The following STK39 variants were observed in gnomAD, a reference collection of about 807,000 sequenced individuals.
STK39 encodes the protein STE20/SPS1-related proline-alanine-rich protein kinase.
In STK39, 20 loss-of-function variants were observed where a neutral mutation model predicts 77.8. The observed-to-expected ratio is 0.26, with a 90% CI of 0.18 to 0.37. The LOEUF (loss-of-function observed/expected upper bound fraction) is 0.37, where lower values mean the gene tolerates loss of function less well. STK39 is among the 10% of genes least tolerant of loss of function. The probability of loss-of-function intolerance (pLI) is 1.00; values close to 1 mark genes in which losing one functional copy is unlikely to be tolerated. For synonymous variants in STK39, 246 were observed against 234.1 expected (o/e 1.05, Z -0.47); for missense variants, 479 against 656.5 (o/e 0.73, Z 2.95).
chr2:168,129,546 T>C lies in STK39; in HGVS notation c.1084A>G (p.Lys362Glu). ...TRTPDIAQRA[K>E]KVRRVPGSSG... ...TGAAGGCTAATGGCACTTACCTTTTTGGCTCTTTGGGCTATGTCTGGTGTT... is the reference window on the plus strand; with the variant it reads ...TGAAGGCTAATGGCACTTACCTTTTCGGCTCTTTGGGCTATGTCTGGTGTT... The change falls in exon 10 of 18, where the codon AAA (lysine) becomes GAA (glutamate). Residue 362 changes from lysine to glutamate, a missense_variant. Physicochemically the swap from Lys to Glu is moderately conservative, Grantham distance 56. Around this residue, in one of 3 missense-constraint regions of STK39, gnomAD observed 244 missense variants for 296.8 expected, o/e 0.82. Coordinates refer to ENST00000355999, the MANE Select transcript of STK39 (RefSeq NM_013233.3). The C allele has an allele frequency of 1.2e-6, 2 of 1,614,088 alleles. No homozygotes were observed. The highest frequency in any genetic ancestry group is 1.1e-5 in the South Asian group (1 of 91,080).
In STK39 at chr2:168,247,550, G is replaced by C. The variant is rs1690971460; in HGVS notation, c.-115C>G. ...CCGGCGCACGCCCTCCCCGCCCGCCGCCGCCGCCGCCGTCCCCGCCGAAGC... is the reference window on the plus strand; with the variant it reads ...CCGGCGCACGCCCTCCCCGCCCGCCCCCGCCGCCGCCGTCCCCGCCGAAGC... On this transcript the variant is annotated 5_prime_UTR_variant, in exon 1 of 18. Coordinates refer to ENST00000355999, the MANE Select transcript of STK39 (RefSeq NM_013233.3). 1 of 697,492 alleles carries C rather than the reference G, an allele frequency of 1.4e-6. No homozygotes were observed. Among genetic ancestry groups the C allele is most frequent in the Non-Finnish European group, 1.9e-6 (1 of 538,274 alleles). 43.2% of individuals were successfully genotyped at this position (697,492 alleles called of 1,614,324 possible). A position where few individuals can be genotyped will look rare whatever the true frequency, so the allele number is the denominator to read the frequency against.
chr2:168,140,879 G>A, intron 5 of STK39, 121 bp from the exon 6 acceptor site: 1 of 750,582 alleles, frequency 1.3e-6, no homozygotes, highest in Non-Finnish European at 2.1e-6. Flanking sequence ...TTCCAAACAT[G>A]TCTACGGTGC....
chr2:168,051,785 A>C (rs984843292), intron 14 of STK39, among the ~76,000 whole-genome samples: 2 of 152,174 alleles, frequency 1.3e-5, no homozygotes, highest in East Asian at 1.9e-4. Context: ...TGATATTGGC[A>C]TTTGACTCCT....
intron 10 of STK39, among the ~76,000 whole-genome samples, chr2:168,093,341 G>C (rs1422943359): frequency 2.0e-5 from 3 of 152,204 alleles, no homozygotes; most frequent in Non-Finnish European, 4.4e-5. Flanking sequence ...CATGGCTAGG[G>C]AGGCCTCACA....
chr2:168,084,388 C>T (rs1377392107), intron 10 of STK39, among the ~76,000 whole-genome samples: 1 of 152,192 alleles, frequency 6.6e-6, no homozygotes, highest in Non-Finnish European at 1.5e-5. Context: ...AGATGGCTGA[C>T]AGCAAGCACG....
Position 168,169,411 on chromosome 2 carries a change from A to G in STK39, c.322-2004T>C, listed in dbSNP as rs1285850658. On this transcript the variant is annotated intron_variant, in intron 2 of 17. Coordinates refer to ENST00000355999, the MANE Select transcript of STK39 (RefSeq NM_013233.3). Reference sequence around the variant, plus strand: ...AACAATGTCTCTTAAATGCAGCTGCACTCTAAATGTAAGTGAATGCTTTTC... The same window carrying G: ...AACAATGTCTCTTAAATGCAGCTGCGCTCTAAATGTAAGTGAATGCTTTTC... Among the ~76,000 whole-genome samples the G allele has an allele frequency of 2.0e-5, 3 of 152,264 alleles. No individual in the cohort carries two copies. In the East Asian group the frequency reaches 5.8e-4, roughly 29 times the overall value.
intron 16 of STK39, among the ~76,000 whole-genome samples, chr2:167,987,949 A>G (rs781766553): frequency 1.1e-4 from 17 of 152,206 alleles, no homozygotes; most frequent in Non-Finnish European, 2.2e-4. Context: ...CCTTACAGCT[A>G]TTCTATGAGG....
At chr2:168,007,139 AT>A (rs1684151707) in intron 16 of STK39, among the ~76,000 whole-genome samples, 1 of 152,254 alleles carries the variant, frequency 6.6e-6, no homozygotes, top group Non-Finnish European at 1.5e-5. Context: ...TAGCTATTTT[AT>A]ATTATAGAAG....
intron 1 of STK39, among the ~76,000 whole-genome samples, chr2:168,210,373 G>C (rs902326976): frequency 6.6e-6 from 1 of 152,124 alleles, no homozygotes; most frequent in African/African-American, 2.4e-5. Context: ...CTGGCTCAGA[G>C]AATTGCTATG....
intron 1 of STK39, 53 bp from the exon 2 acceptor site, chr2:168,182,143 C>T: frequency 7.0e-7 from 1 of 1,420,620 alleles, no homozygotes; most frequent in Non-Finnish European, 9.9e-7. Context: ...TGTGAGGTTA[C>T]TATCTGTAAC....
intron 17 of STK39, among the ~76,000 whole-genome samples, chr2:167,959,442 T>C (rs931875768): frequency 2.0e-5 from 3 of 152,016 alleles, no homozygotes; most frequent in Non-Finnish European, 2.9e-5. Context: ...TTTTGTTTTT[T>C]TTTTTTTTAA....
intron 14 of STK39, among the ~76,000 whole-genome samples, chr2:168,046,419 C>G (rs138703212): frequency 6.6e-6 from 1 of 152,122 alleles, no homozygotes; most frequent in Non-Finnish European, 1.5e-5. Flanking sequence ...TAGTGAGACA[C>G]GGCAGAGTGC....
At chr2:168,153,817 GA>G (rs1198357217) in intron 5 of STK39, among the ~76,000 whole-genome samples, 1 of 152,136 alleles carries the variant, frequency 6.6e-6, no homozygotes, top group Non-Finnish European at 1.5e-5. Context: ...TGTAAGAGTT[GA>G]AATCAATGAC....
chr2:167,956,069 C>T (rs373802828), intron 17 of STK39, among the ~76,000 whole-genome samples: 17 of 152,120 alleles, frequency 1.1e-4, no homozygotes, highest in East Asian at 1.9e-4. Flanking sequence ...CCAAGTACTG[C>T]GATGGGCTCA....
intron 1 of STK39, among the ~76,000 whole-genome samples, chr2:168,245,880 T>C (rs1252301554): frequency 6.6e-6 from 1 of 152,180 alleles, no homozygotes; most frequent in African/African-American, 2.4e-5. Context: ...TGTCTACAGA[T>C]GCCTATTATA....
intron 14 of STK39, among the ~76,000 whole-genome samples, chr2:168,027,700 G>C (rs886304196): frequency 2.6e-5 from 4 of 152,142 alleles, no homozygotes; most frequent in Non-Finnish European, 5.9e-5. Context: ...AAAGAATTTG[G>C]CCTCACACAC....
At chr2:168,119,306 C>T (rs761413906) in intron 10 of STK39, among the ~76,000 whole-genome samples, 5 of 152,094 alleles carry the variant, frequency 3.3e-5, no homozygotes, top group Admixed American at 1.3e-4. Context: ...CTCTTCTACC[C>T]GTATTTACCA....
At chr2:168,118,501 C>A (rs1229162254) in intron 10 of STK39, among the ~76,000 whole-genome samples, 1 of 151,374 alleles carries the variant, frequency 6.6e-6, no homozygotes, top group Non-Finnish European at 1.5e-5. Context: ...AAGACATTCT[C>A]CCTAAATGGG....
At chr2:168,104,926 T>C (rs1686929128) in intron 10 of STK39, among the ~76,000 whole-genome samples, 1 of 152,186 alleles carries the variant, frequency 6.6e-6, no homozygotes. Flanking sequence ...AAATAAATTA[T>C]AGTATATCCT....
Sources: allele counts gnomAD v4.1 joint callset (sites outside exome capture counted in the v4.1 genomes callset), GRCh38; gene constraint gnomAD v4.1.1; regional missense constraint gnomAD v4.1.1; transcripts MANE v1.5; gene names NCBI Gene and HGNC (gene_info 2026-07-23, HGNC 2026-07-21).